Variants in NHEJ1 observed in about 807,000 individuals in gnomAD.
NHEJ1 encodes the protein non-homologous end joining factor 1, also known as non-homologous end-joining factor 1.
Under a neutral mutation model 39.4 loss-of-function variants are expected in NHEJ1, and 22 were observed. The ratio of observed to expected loss-of-function variants is 0.56; its 90% CI spans 0.40 to 0.80. The LOEUF (loss-of-function observed/expected upper bound fraction) is 0.80. Ranked by LOEUF, NHEJ1 falls within the 30% of genes least tolerant of loss-of-function variation. The pLI, the probability that NHEJ1 is intolerant of heterozygous loss-of-function variation, is 0.00. For synonymous variants in NHEJ1, 154 were observed against 135.6 expected (o/e 1.14, Z -0.94); for missense variants, 329 against 357.1 (o/e 0.92, Z 0.63).
At chr2:219,079,665 T>C (rs756196066) in intron 5 of NHEJ1, among the ~76,000 whole-genome samples, 3 of 152,196 alleles carry the variant, frequency 2.0e-5, no homozygotes, top group Non-Finnish European at 2.9e-5. Flanking sequence ...TCTGGCAGCA[T>C]TCCCTGAGGA....
intron 5 of NHEJ1, among the ~76,000 whole-genome samples, chr2:219,115,322 T>G (rs1422809379): frequency 6.6e-6 from 1 of 152,184 alleles, no homozygotes; most frequent in Non-Finnish European, 1.5e-5. Flanking sequence ...AAAGTGGCCA[T>G]GCTATTACAG....
intron 1 of NHEJ1, among the ~76,000 whole-genome samples, chr2:219,159,552 CAT>C (rs373057307): frequency 0.54 from 35,484 of 65,860 alleles, 9,186 homozygotes; most frequent in South Asian, 0.63. Flanking sequence ...TATATATATG[CAT>C]ATATATATGC....
chr2:219,100,609 T>TA (rs58295341), intron 5 of NHEJ1, among the ~76,000 whole-genome samples: 1,806 of 121,440 alleles, frequency 0.015, 23 homozygotes, highest in South Asian at 0.04. Flanking sequence ...AGACTGTCTT[T>TA]AAAAAAAAAA....
At chr2:219,081,255 C>T (rs1442462376) in intron 5 of NHEJ1, among the ~76,000 whole-genome samples, 1 of 152,098 alleles carries the variant, frequency 6.6e-6, no homozygotes, top group Non-Finnish European at 1.5e-5. Context: ...GAGGCAGGAG[C>T]TTGGGAAAGA....
chr2:219,105,517 T>C (rs1383852595), intron 5 of NHEJ1, among the ~76,000 whole-genome samples: 2 of 152,220 alleles, frequency 1.3e-5, no homozygotes, highest in Non-Finnish European at 2.9e-5. Flanking sequence ...TGCCACTGCC[T>C]CTAGAACAGT....
Position 219,072,976 on chromosome 2 carries a change from G to A in NHEJ1, c.*3405C>T, listed in dbSNP as rs1948975791. 6.6e-6 allele frequency among the ~76,000 whole-genome samples: 1 copy of A among 152,148 alleles called. No individual in the cohort carries two copies. The highest frequency in any genetic ancestry group is 6.5e-5 in the Admixed American group (1 of 15,272). ...GGCCCCTGCTTATCTCCCAACAAACGTGGGCTAAGGAGGAGGTAAGGGCTT... is the reference window on the plus strand; with the variant it reads ...GGCCCCTGCTTATCTCCCAACAAACATGGGCTAAGGAGGAGGTAAGGGCTT... On this transcript the variant is annotated 3_prime_UTR_variant, in exon 8 of 8. Transcript: ENST00000356853.
rs1452334036 is a variant in NHEJ1 at position 219,157,463 on chromosome 2, T to C, written c.390+9A>G. On this transcript the variant is annotated intron_variant, in intron 3 of 7. Coordinates refer to ENST00000356853, the MANE Select transcript of NHEJ1 (RefSeq NM_024782.3). Reference sequence around the variant, plus strand: ...CCCTCCCCCAACCCCACATTCGAATTACACTTACCAGGGAAGGACTAGCTA... The same window carrying C: ...CCCTCCCCCAACCCCACATTCGAATCACACTTACCAGGGAAGGACTAGCTA... 1.9e-5 allele frequency: 31 copies of C among 1,611,400 alleles called. 1 individual carries two copies. Among genetic ancestry groups the C allele is most frequent in the Non-Finnish European group, 2.6e-5 (31 of 1,178,556 alleles).
intron 5 of NHEJ1, among the ~76,000 whole-genome samples, chr2:219,084,345 A>C (rs1949093376): frequency 6.6e-6 from 1 of 151,996 alleles, no homozygotes; most frequent in South Asian, 2.1e-4. Context: ...TTGGGATGCG[A>C]CCCCATCATA....
intron 1 of NHEJ1, among the ~76,000 whole-genome samples, chr2:219,160,122 GTTTA>G (rs1363355536): frequency 6.6e-6 from 1 of 152,164 alleles, no homozygotes; most frequent in African/African-American, 2.4e-5. Context: ...AGATTCACGG[GTTTA>G]TTTCTCTTGA....
At chr2:219,141,850 C>A (rs1394529024) in intron 5 of NHEJ1, among the ~76,000 whole-genome samples, 2 of 152,022 alleles carry the variant, frequency 1.3e-5, no homozygotes, top group African/African-American at 4.8e-5. Flanking sequence ...CTTTAAGAGG[C>A]AGGCAGAAGA....
intron 5 of NHEJ1, among the ~76,000 whole-genome samples, chr2:219,137,282 G>C (rs539175704): frequency 6.6e-6 from 1 of 151,950 alleles, no homozygotes; most frequent in East Asian, 1.9e-4. Flanking sequence ...ATATGCCCAC[G>C]GTTAAACCGA....
intron 3 of NHEJ1, among the ~76,000 whole-genome samples, chr2:219,149,378 G>A (rs529159056): frequency 3.9e-4 from 60 of 152,286 alleles, no homozygotes; most frequent in South Asian, 3.7e-3. Context: ...CATTTTGGGA[G>A]GCCAACGTTG....
At chr2:219,126,940 T>G (rs540603641) in intron 5 of NHEJ1, among the ~76,000 whole-genome samples, 4 of 152,178 alleles carry the variant, frequency 2.6e-5, no homozygotes, top group African/African-American at 9.6e-5. Flanking sequence ...GTGGCAGAAG[T>G]GTAGATCTAA....
intron 5 of NHEJ1, among the ~76,000 whole-genome samples, chr2:219,117,564 A>G (rs1949427086): frequency 6.6e-6 from 1 of 152,270 alleles, no homozygotes; most frequent in Non-Finnish European, 1.5e-5. Flanking sequence ...TCAGGTTCAG[A>G]GAACCATGTG....
chr2:219,100,486 C>T (rs1949246564), intron 5 of NHEJ1, among the ~76,000 whole-genome samples: 1 of 151,686 alleles, frequency 6.6e-6, no homozygotes, highest in South Asian at 2.1e-4. Flanking sequence ...TAGTGCACAC[C>T]TGTAATCCCA....
chr2:219,087,002 C>T (rs1040986447), intron 5 of NHEJ1, among the ~76,000 whole-genome samples: 3 of 151,964 alleles, frequency 2.0e-5, no homozygotes, highest in African/African-American at 7.3e-5. Flanking sequence ...GCTCGGGGAA[C>T]GCAAGTGGTT....
intron 5 of NHEJ1, among the ~76,000 whole-genome samples, chr2:219,090,908 G>A (rs1381299984): frequency 1.3e-5 from 2 of 152,158 alleles, no homozygotes; most frequent in Non-Finnish European, 2.9e-5. Context: ...ATCATCTGAA[G>A]TGCTTTTACA....
chr2:219,074,516 G>C lies in NHEJ1; in HGVS notation c.*1865C>G, dbSNP rs1263463324. 6.6e-6 allele frequency among the ~76,000 whole-genome samples: 1 copy of C among 152,176 alleles called. No individual in the cohort carries two copies. Among genetic ancestry groups the C allele is most frequent in the Non-Finnish European group, 1.5e-5 (1 of 68,036 alleles). On this transcript the variant is annotated 3_prime_UTR_variant, in exon 8 of 8. Coordinates refer to ENST00000356853, the MANE Select transcript of NHEJ1 (RefSeq NM_024782.3). ...CCCAGCACTTTGGGAGGCCGAGGCA[G>C]GTAGATCACCTGAGGTCAGGAGTTC...
intron 5 of NHEJ1, among the ~76,000 whole-genome samples, chr2:219,146,470 C>A (rs182253846): frequency 2.1e-4 from 32 of 152,254 alleles, no homozygotes; most frequent in African/African-American, 7.7e-4. Flanking sequence ...TCAATCAGTC[C>A]ACTTCCGCCT....
Sources: gnomAD v4.1 joint callset for allele counts (sites outside exome capture counted in the v4.1 genomes callset) on GRCh38, gnomAD v4.1.1 for gene constraint, MANE v1.5 for transcripts, NCBI Gene and HGNC (gene_info 2026-07-23, HGNC 2026-07-21) for gene names.